The following CDC42BPA variants were observed in gnomAD, a reference collection of about 807,000 sequenced individuals.
CDC42BPA encodes CDC42 binding protein kinase alpha, also known as serine/threonine-protein kinase MRCK alpha.
CDC42BPA carries 80 observed loss-of-function variants against 223.5 expected under a neutral mutation model. That is an observed-to-expected ratio of 0.36 (90% CI 0.30 to 0.43). The LOEUF (loss-of-function observed/expected upper bound fraction) is 0.43. Among genes scored for constraint, CDC42BPA ranks in the 20% least tolerant of loss-of-function variants. The pLI, the probability that CDC42BPA is intolerant of heterozygous loss-of-function variation, is 1.00. For synonymous variants in CDC42BPA, 694 were observed against 718.6 expected (o/e 0.97, Z 0.55); for missense variants, 1,743 against 2,099.9 (o/e 0.83, Z 3.32).
At chr1:227,133,204 G>T (rs1315591379) in intron 10 of CDC42BPA, among the ~76,000 whole-genome samples, 4 of 150,348 alleles carry the variant, frequency 2.7e-5, no homozygotes, top group African/African-American at 9.8e-5. Flanking sequence ...CCCCGTCTGG[G>T]AGGGAGGTGG....
At chr1:227,259,212 T>C (rs1683623116) in intron 1 of CDC42BPA, among the ~76,000 whole-genome samples, 1 of 150,944 alleles carries the variant, frequency 6.6e-6, no homozygotes, top group African/African-American at 2.5e-5. Flanking sequence ...CCCATTTAAC[T>C]GGCCAGTGTT....
chr1:227,026,187 A>G, intron 30 of CDC42BPA, 35 bp from the exon 31 acceptor site: 2 of 1,145,448 alleles, frequency 1.7e-6, no homozygotes, highest in Non-Finnish European at 1.3e-6. Flanking sequence ...CTTGCGGATT[A>G]CTTTTAACTA....
chr1:227,317,286 G>T lies in CDC42BPA; in HGVS notation c.-104C>A. 1 of 1,239,566 alleles carries T rather than the reference G, an allele frequency of 8.1e-7. No individual in the cohort carries two copies. The highest frequency in any genetic ancestry group is 1.1e-6 in the Non-Finnish European group (1 of 894,262). The allele number at this position is 1,239,566 out of a possible 1,614,324, so 76.8% of individuals were successfully genotyped here. On this transcript the variant is annotated 5_prime_UTR_variant, in exon 1 of 37. Transcript: ENST00000366766. ...GTATGGTTTTAAAAATAAACCACTT[G>T]TTATTCAAACAACTGTCATGCAATG... is the stretch of plus-strand genomic sequence containing the variant.
intron 1 of CDC42BPA, among the ~76,000 whole-genome samples, chr1:227,315,280 C>G (rs1694185085): frequency 6.6e-6 from 1 of 151,662 alleles, no homozygotes; most frequent in African/African-American, 2.4e-5. Flanking sequence ...AAACAACATC[C>G]AAGAAAACAT....
Position 227,042,980 on chromosome 1 carries a change from T to C in CDC42BPA, c.3094-2744A>G, listed in dbSNP as rs568627409. ...TTTAATAGAAGATGTAAGAGCCAAG[T>C]AGAACCAAGTACAACTCTTGGTGAA... On this transcript the variant is annotated intron_variant, in intron 23 of 36. Transcript: ENST00000366766. Among the ~76,000 whole-genome samples, 7 of 152,304 alleles carry C rather than the reference T, an allele frequency of 4.6e-5. No individual in the cohort carries two copies. The South Asian group carries it at 8.3e-4, about 18-fold the overall frequency.
chr1:227,294,508 C>T (rs1457934783), intron 1 of CDC42BPA, among the ~76,000 whole-genome samples: 2 of 151,948 alleles, frequency 1.3e-5, no homozygotes, highest in Admixed American at 6.6e-5. Context: ...CTCAAAACAA[C>T]CCCACGAAGC....
At chr1:227,041,359 C>A (rs937628684) in intron 23 of CDC42BPA, among the ~76,000 whole-genome samples, 1 of 151,968 alleles carries the variant, frequency 6.6e-6, no homozygotes. Context: ...TCCATGGGTA[C>A]CCAATGTTAT....
At chr1:227,308,418 A>G (rs1330618460) in intron 1 of CDC42BPA, among the ~76,000 whole-genome samples, 4 of 151,442 alleles carry the variant, frequency 2.6e-5, no homozygotes, top group Non-Finnish European at 5.9e-5. Context: ...GCTGAGGCAG[A>G]AGAATTGCCT....
intron 17 of CDC42BPA, among the ~76,000 whole-genome samples, chr1:227,078,232 G>T (rs928936710): frequency 6.6e-6 from 1 of 152,052 alleles, no homozygotes; most frequent in African/African-American, 2.4e-5. Flanking sequence ...CCCTTCTTGA[G>T]CAACTAGTCT....
chr1:227,317,220 TATG>T lies in CDC42BPA; in HGVS notation c.-41_-39del, dbSNP rs761733566. On this transcript the variant is annotated 5_prime_UTR_variant, in exon 1 of 37. Coordinates refer to ENST00000366766, the MANE Select transcript of CDC42BPA (RefSeq NM_001394014.1). Reference sequence around the variant, plus strand: ...TTCTGCTGGTTTTCCTTTAAATTATTATGATGACTTTTACTATTATCTGAACCT... The same window carrying T: ...TTCTGCTGGTTTTCCTTTAAATTATTATGACTTTTACTATTATCTGAACCT... 9.5e-6 allele frequency: 15 copies of T among 1,579,428 alleles called. No individual in the cohort carries two copies. The highest frequency in any genetic ancestry group is 1.7e-4 in the Middle Eastern group (1 of 5,952).
At chr1:227,071,957 A>G (rs1349949923) in intron 20 of CDC42BPA, among the ~76,000 whole-genome samples, 1 of 151,884 alleles carries the variant, frequency 6.6e-6, no homozygotes, top group East Asian at 1.9e-4. Context: ...TTTATGGCAA[A>G]GTGTCTTTTT....
intron 23 of CDC42BPA, among the ~76,000 whole-genome samples, chr1:227,046,971 A>G (rs1446195666): frequency 6.6e-6 from 1 of 151,976 alleles, no homozygotes; most frequent in Non-Finnish European, 1.5e-5. Flanking sequence ...TAAGTGACAT[A>G]TTTTTTGCCT....
rs2137663 is a variant in CDC42BPA at position 227,125,561 on chromosome 1, C to T, written c.1513+3548G>A. Among the ~76,000 whole-genome samples the T allele has an allele frequency of 9.2e-3, 1,350 of 147,258 alleles. 23 individuals are homozygous for T. Among genetic ancestry groups the T allele is most frequent in the African/African-American group, 0.032 (1,288 of 39,890 alleles). Reference sequence around the variant, plus strand: ...GCAGTGAGCTGAGATCGCGTCACTGCACTCCAGCCTGGGGAACAGAGTGAG... The same window carrying T: ...GCAGTGAGCTGAGATCGCGTCACTGTACTCCAGCCTGGGGAACAGAGTGAG... On this transcript the variant is annotated intron_variant, in intron 11 of 36. Coordinates refer to ENST00000366766, the MANE Select transcript of CDC42BPA (RefSeq NM_001394014.1).
chr1:227,315,671 A>G (rs1694253874), intron 1 of CDC42BPA, among the ~76,000 whole-genome samples: 1 of 152,174 alleles, frequency 6.6e-6, no homozygotes, highest in Non-Finnish European at 1.5e-5. Context: ...TTCAACAAAT[A>G]AAAGACGTAT....
Position 227,312,164 on chromosome 1 carries a change from T to A in CDC42BPA, c.178+4841A>T, listed in dbSNP as rs111692494. 6.3e-3 allele frequency among the ~76,000 whole-genome samples: 957 copies of A among 152,332 alleles called. 14 individuals are homozygous for A. The highest frequency in any genetic ancestry group is 0.022 in the African/African-American group (911 of 41,566). ...TTCTATTCTAGTCTTTAATTTTTTT[T>A]AAATGCTGGTTAGACTTAGTAATTG... is the stretch of plus-strand genomic sequence containing the variant. On this transcript the variant is annotated intron_variant, in intron 1 of 36. Transcript: ENST00000366766.
At chr1:227,253,083 G>A (rs1341430912) in intron 2 of CDC42BPA, among the ~76,000 whole-genome samples, 1 of 152,116 alleles carries the variant, frequency 6.6e-6, no homozygotes, top group African/African-American at 2.4e-5. Context: ...AATATACCAC[G>A]TCTATGGATT....
At chr1:227,193,129 C>T (rs1004970249) in intron 5 of CDC42BPA, among the ~76,000 whole-genome samples, 3 of 133,212 alleles carry the variant, frequency 2.3e-5, no homozygotes, top group Admixed American at 8.7e-5. Flanking sequence ...AGTGCAGTGG[C>T]GGGATCTCGG....
At chr1:227,180,993 C>G (rs1667837986) in intron 5 of CDC42BPA, among the ~76,000 whole-genome samples, 1 of 151,594 alleles carries the variant, frequency 6.6e-6, no homozygotes, top group Admixed American at 6.6e-5. Flanking sequence ...ATCAGACATA[C>G]CACATGATGC....
chr1:227,306,958 G>A (rs1692666229), intron 1 of CDC42BPA, among the ~76,000 whole-genome samples: 1 of 152,158 alleles, frequency 6.6e-6, no homozygotes, highest in Non-Finnish European at 1.5e-5. Flanking sequence ...TCTTGCTGTA[G>A]CAAGATAACT....
Sources: gnomAD v4.1 joint callset for allele counts (sites outside exome capture counted in the v4.1 genomes callset) on GRCh38, gnomAD v4.1.1 for gene constraint, MANE v1.5 for transcripts, NCBI Gene and HGNC (gene_info 2026-07-23, HGNC 2026-07-21) for gene names.